The following SLC7A7 variants were observed in gnomAD, a reference collection of about 807,000 sequenced individuals.
SLC7A7 encodes solute carrier family 7 member 7.
In SLC7A7, 39 loss-of-function variants were observed where a neutral mutation model predicts 47.9. That is an observed-to-expected ratio of 0.81 (90% confidence interval 0.63 to 1.06). The LOEUF (loss-of-function observed/expected upper bound fraction) is 1.06. Ranked by LOEUF, SLC7A7 falls within the 50% of genes least tolerant of loss-of-function variation. The pLI is 0.00. For synonymous variants in SLC7A7, 234 were observed against 242.8 expected, an observed-to-expected ratio of 0.96 and a Z score of 0.34; for missense variants, 588 against 632.0, an observed-to-expected ratio of 0.93 and a Z score of 0.75.
At chr14:22,807,090 G>A (rs549297393) in intron 2 of SLC7A7, among the ~76,000 whole-genome samples, 3 of 152,000 alleles carry the variant, frequency 2.0e-5, no homozygotes, top group South Asian at 2.1e-4. Context: ...TAGTAAAGAC[G>A]GGATTTCACT....
rs1223973612 is a variant in SLC7A7, at chr14:22,775,942, G to A, written c.895-6C>T. ...AATATCTGATCTGCAAAAGTCTAAGGGAAAAGAATGGAAGAGTCATTAGCA... is the reference window on the plus strand; with the variant it reads ...AATATCTGATCTGCAAAAGTCTAAGAGAAAAGAATGGAAGAGTCATTAGCA... On this transcript the variant is annotated splice_polypyrimidine_tract_variant and splice_region_variant and intron_variant, in intron 5 of 9. Transcript: ENST00000674313. 6.3e-7 allele frequency: 1 copy of A among 1,599,848 alleles called. No homozygotes were observed. Among genetic ancestry groups the A allele is most frequent in the South Asian group, 1.1e-5 (1 of 90,810 alleles).
chr14:22,781,028 A>G (rs2038709328), intron 2 of SLC7A7, among the ~76,000 whole-genome samples: 1 of 152,054 alleles, frequency 6.6e-6, no homozygotes, highest in South Asian at 2.1e-4. Context: ...TGGAAAAAAA[A>G]ATACAGATCT....
At position 22,795,396 on chromosome 14, in the gene SLC7A7, TTCTTTC is replaced by T. The variant is rs1383079446; in HGVS notation, c.500-15351_500-15346del. Among the ~76,000 whole-genome samples the T allele has an allele frequency of 7.1e-4, 49 of 69,430 alleles. 1 individual carries two copies. Among genetic ancestry groups the T allele is most frequent in the Middle Eastern group, 6.6e-3 (1 of 152 alleles). The allele number at this position is 69,430 out of a possible 152,430, so 45.5% of individuals were successfully genotyped here. ...AGTATTGCTTGCTTGCTTTCTTTCT[TTCTTTC>T]TTTCTTTCTTTCTTTCTTTCTTTCT... On this transcript the variant is annotated intron_variant, in intron 2 of 9. Coordinates refer to ENST00000674313, the MANE Select transcript of SLC7A7 (RefSeq NM_003982.4).
chr14:22,802,013 A>G (rs909447346), intron 2 of SLC7A7, among the ~76,000 whole-genome samples: 3 of 152,258 alleles, frequency 2.0e-5, no homozygotes, highest in South Asian at 2.1e-4. Flanking sequence ...ATAAATTCCA[A>G]ATTCAACATG....
rs540845333 is a variant in SLC7A7 at position 22,806,755 on chromosome 14, A to G, written c.499+6145T>C. Among the ~76,000 whole-genome samples the G allele has an allele frequency of 2.3e-3, 351 of 152,268 alleles. 2 individuals carry two copies. Among genetic ancestry groups the G allele is most frequent in the African/African-American group, 6.3e-3 (261 of 41,554 alleles). On this transcript the variant is annotated intron_variant, in intron 2 of 9. Coordinates refer to ENST00000674313, the MANE Select transcript of SLC7A7 (RefSeq NM_003982.4). The stretch of plus-strand genomic sequence containing the variant: ...CCTAGGGATTTAGATTTTATCCTAA[A>G]GCATATGAGGAGCCACTGGAGGATT...
At chr14:22,775,602 C>G (rs891675293) in intron 6 of SLC7A7, 62 bp from the exon 7 acceptor site, 46 of 1,373,674 alleles carry the variant, frequency 3.3e-5, no homozygotes, top group Non-Finnish European at 4.7e-5. Flanking sequence ...CCTGGTTCAC[C>G]TGCCACATGG....
At chr14:22,804,684 A>G (rs114093678) in intron 2 of SLC7A7, among the ~76,000 whole-genome samples, 165 of 152,290 alleles carry the variant, frequency 1.1e-3, no homozygotes, top group African/African-American at 3.9e-3. Context: ...GTCAGTCAGA[A>G]TGTCAATAAT....
rs915899024 is a variant in SLC7A7 at position 22,808,655 on chromosome 14, A to T, written c.499+4245T>A. On this transcript the variant is annotated intron_variant, in intron 2 of 9. Transcript: ENST00000674313. ...GACCCCATCTCTATTAAAGAAAATT[A>T]AAAAACAAAACCAAAACAGTGGCTG... Among the ~76,000 whole-genome samples, 11 of 152,322 alleles carry T rather than the reference A, an allele frequency of 7.2e-5. 1 individual carries two copies. The South Asian group carries it at 1.9e-3, about 26-fold the overall frequency.
At chr14:22,801,363 T>C (rs1041499015) in intron 2 of SLC7A7, among the ~76,000 whole-genome samples, 1 of 152,154 alleles carries the variant, frequency 6.6e-6, no homozygotes, top group Admixed American at 6.6e-5. Flanking sequence ...TGATTAATTC[T>C]TCTTCGCCAT....
At chr14:22,792,297 T>C (rs2038937233) in intron 2 of SLC7A7, among the ~76,000 whole-genome samples, 1 of 152,196 alleles carries the variant, frequency 6.6e-6, no homozygotes, top group African/African-American at 2.4e-5. Flanking sequence ...GTGCAGTGGC[T>C]CATGCCTATA....
intron 2 of SLC7A7, among the ~76,000 whole-genome samples, chr14:22,794,524 A>C (rs1383757260): frequency 6.6e-6 from 1 of 152,086 alleles, no homozygotes; most frequent in Non-Finnish European, 1.5e-5. Context: ...CCAGATCTCA[A>C]GCCTGAGTGA....
chr14:22,784,945 C>G (rs955163688), intron 2 of SLC7A7, among the ~76,000 whole-genome samples: 2 of 152,214 alleles, frequency 1.3e-5, no homozygotes, highest in Non-Finnish European at 2.9e-5. Flanking sequence ...CTTATGATTA[C>G]AGGCGTGAAC....
intron 2 of SLC7A7, among the ~76,000 whole-genome samples, chr14:22,798,229 G>A (rs770994237): frequency 1.8e-4 from 27 of 152,028 alleles, no homozygotes; most frequent in Admixed American, 3.9e-4. Flanking sequence ...CCCAGGAGGC[G>A]GAGGTTGCAG....
At chr14:22,798,333 GAGA>G (rs1301220486) in intron 2 of SLC7A7, among the ~76,000 whole-genome samples, 1 of 151,886 alleles carries the variant, frequency 6.6e-6, no homozygotes, top group Non-Finnish European at 1.5e-5. Context: ...GGAGGAAAAG[GAGA>G]AGGAGAAGGA....
intron 2 of SLC7A7, among the ~76,000 whole-genome samples, chr14:22,799,448 C>CTTTTTTTTTTTT (rs56375225): frequency 1.7e-4 from 13 of 76,170 alleles, no homozygotes; most frequent in East Asian, 5.0e-4. Flanking sequence ...TTTTTTCTTT[C>CTTTTTTTTTTTT]TTTTTTTTTT....
At chr14:22,791,162 C>T (rs1449014353) in intron 2 of SLC7A7, among the ~76,000 whole-genome samples, 1 of 152,142 alleles carries the variant, frequency 6.6e-6, no homozygotes, top group African/African-American at 2.4e-5. Flanking sequence ...CTCCAAAATA[C>T]CCAGATTTAT....
chr14:22,803,341 C>T (rs2039147856), intron 2 of SLC7A7, among the ~76,000 whole-genome samples: 1 of 152,176 alleles, frequency 6.6e-6, no homozygotes, highest in African/African-American at 2.4e-5. Flanking sequence ...TCGCTTGAAC[C>T]CGGAAGGCGG....
At chr14:22,812,638 T>G (rs995222050) in intron 2 of SLC7A7, among the ~76,000 whole-genome samples, 1 of 90,106 alleles carries the variant, frequency 1.1e-5, no homozygotes, top group Non-Finnish European at 2.2e-5. Flanking sequence ...ACCTGTCTCT[T>G]TAAAAAAAAA....
intron 3 of SLC7A7, among the ~76,000 whole-genome samples, chr14:22,779,470 G>C (rs565008519): frequency 6.0e-5 from 9 of 151,102 alleles, no homozygotes; most frequent in Admixed American, 4.0e-4. Context: ...TTTTTTTGGG[G>C]GGGGGACAGA....
Sources: gnomAD v4.1 joint callset for allele counts (sites outside exome capture counted in the v4.1 genomes callset) on GRCh38, gnomAD v4.1.1 for gene constraint, MANE v1.5 for transcripts, NCBI Gene and HGNC (gene_info 2026-07-23, HGNC 2026-07-21) for gene names.